The following RABL6 variants were observed in gnomAD, a reference collection of about 807,000 sequenced individuals.
RABL6 encodes rab-like protein 6.
Under a neutral mutation model 72.9 loss-of-function variants are expected in RABL6, and 28 were observed. The ratio of observed to expected loss-of-function variants is 0.38; its 90% confidence interval spans 0.28 to 0.53. The LOEUF (loss-of-function observed/expected upper bound fraction) is 0.53. Ranked by LOEUF, RABL6 falls within the 20% of genes least tolerant of loss-of-function variation. The pLI is 0.80. For missense variants in RABL6, 1,029 were observed against 1,008.4 expected (o/e 1.02, Z -0.28); for synonymous variants, 477 against 421.2 (o/e 1.13, Z -1.62).
At chr9:136,823,272 A>C (rs1405443342) in intron 1 of RABL6, among the ~76,000 whole-genome samples, 1 of 147,884 alleles carries the variant, frequency 6.8e-6, no homozygotes, top group Non-Finnish European at 1.5e-5. Context: ...CCTGGCTCCA[A>C]GTAGAAAGCT....
At chr9:136,816,735 G>GT (rs763603360) in intron 1 of RABL6, among the ~76,000 whole-genome samples, 160 of 132,698 alleles carry the variant, frequency 1.2e-3, no homozygotes, top group East Asian at 5.9e-3. Flanking sequence ...GGGGGGGGGG[G>GT]TAATTTTTTA....
chr9:136,827,881 TAAAGGG>T (rs1311314895), intron 3 of RABL6: 1 of 152,614 alleles, frequency 6.6e-6, no homozygotes, highest in Non-Finnish European at 1.5e-5. Flanking sequence ...ATTGTGGAGT[TAAAGGG>T]AGGGGACCAC....
At chr9:136,839,990 C>T in intron 13 of RABL6, 125 bp downstream of exon 13, 2 of 1,461,656 alleles carry the variant, frequency 1.4e-6, no homozygotes, top group Non-Finnish European at 1.9e-6. Flanking sequence ...ATGCTCCTGG[C>T]AGCCCCCTGC....
chr9:136,834,037 A>G, intron 7 of RABL6: 1 of 1,464,804 alleles, frequency 6.8e-7, no homozygotes, highest in Non-Finnish European at 9.1e-7. Flanking sequence ...CTGGAAGCGT[A>G]GGGCTGAGCT....
Position 136,808,309 on chromosome 9 carries a change from AG to A in RABL6, c.118del (p.Val40CysfsTer5). ...MNQALQRRFA[K>X]GVQYNMKIVI... ...CAGGCGTTGCAGAGGCGCTTCGCCAAGGGGGTGCAGTACAACAGTGAGTGCG... is the reference window on the plus strand; with the variant it reads ...CAGGCGTTGCAGAGGCGCTTCGCCAAGGGGTGCAGTACAACAGTGAGTGCG... On this transcript the variant is annotated frameshift_variant, in exon 1 of 15. Transcript: ENST00000311502. LOFTEE classifies it high-confidence loss of function. 1 of 1,557,240 alleles carries A rather than the reference AG, an allele frequency of 6.4e-7. No individual in the cohort carries two copies. The highest frequency in any genetic ancestry group is 1.9e-5 in the Admixed American group (1 of 53,734).
intron 1 of RABL6, chr9:136,822,045 C>G: frequency 2.3e-6 from 3 of 1,289,598 alleles, no homozygotes; most frequent in Non-Finnish European, 3.0e-6. Context: ...GAAGAAATGA[C>G]TGTGGGAACA....
At chr9:136,838,266 C>T (rs1848621366) in intron 10 of RABL6, among the ~76,000 whole-genome samples, 1 of 152,198 alleles carries the variant, frequency 6.6e-6, no homozygotes, top group Admixed American at 6.5e-5. Flanking sequence ...TTGGGGTCTT[C>T]TGTGGGCAGA....
At chr9:136,823,194 T>C (rs1396511921) in intron 1 of RABL6, among the ~76,000 whole-genome samples, 3 of 151,820 alleles carry the variant, frequency 2.0e-5, no homozygotes, top group African/African-American at 7.3e-5. Flanking sequence ...GCCCTGACCC[T>C]GAGGGTCACC....
chr9:136,811,458 A>G (rs1848010225), intron 1 of RABL6, among the ~76,000 whole-genome samples: 1 of 151,974 alleles, frequency 6.6e-6, no homozygotes, highest in South Asian at 2.1e-4. Context: ...TCTCTACTAA[A>G]ACTATAAAAA....
rs771693782 is a variant in RABL6 at position 136,829,395 on chromosome 9, G to A, written c.369G>A (p.Ala123=). 16 of 1,569,016 alleles carry A rather than the reference G, an allele frequency of 1.0e-5. No homozygotes were observed. Among genetic ancestry groups the A allele is most frequent in the East Asian group, 2.4e-5 (1 of 42,366 alleles). ...CACCTGTTCCCTCCTGTCCCCAGGC[G>A]GAGTCTGAAATGGCCCTGGATGCTG... ...GLKMENDPQE[A]ESEMALDAEF... The change falls in exon 5 of 15, where the codon GCG becomes GCA. Residue 123 remains alanine, a splice_region_variant and synonymous_variant. Coordinates refer to ENST00000311502, the MANE Select transcript of RABL6 (RefSeq NM_024718.5).
rs145731479 is a variant in RABL6, at chr9:136,820,847, A to G, written c.131-2678A>G. On this transcript the variant is annotated intron_variant, in intron 1 of 14. Coordinates refer to ENST00000311502, the MANE Select transcript of RABL6 (RefSeq NM_024718.5). ...CGAAAAGAGAAAAATATCAATGGAA[A>G]TTCAAGGAAAAGTGCGGCCAAGACG... Among the ~76,000 whole-genome samples the G allele has an allele frequency of 5.7e-3, 875 of 152,290 alleles. 4 individuals are homozygous for G. Among genetic ancestry groups the G allele is most frequent in the Non-Finnish European group, 9.7e-3 (658 of 68,018 alleles).
rs71385775 is a variant in RABL6, at chr9:136,834,929, TAAAAAA to T, written c.706-796_706-791del. Among the ~76,000 whole-genome samples, 653 of 74,404 alleles carry T rather than the reference TAAAAAA, an allele frequency of 8.8e-3. 3 individuals carry two copies. The highest frequency in any genetic ancestry group is 0.032 in the African/African-American group (598 of 18,984). 48.8% of individuals were successfully genotyped at this position (74,404 alleles called of 152,430 possible). A position where few individuals can be genotyped will look rare whatever the true frequency, so the allele number is the denominator to read the frequency against. On this transcript the variant is annotated intron_variant, in intron 7 of 14. Coordinates refer to ENST00000311502, the MANE Select transcript of RABL6 (RefSeq NM_024718.5). ...AATATAATATAGCATGACCCTGTTC[TAAAAAA>T]AAAAAAAAAAAAAAAATCTCTGAAA...
rs571096327 is a variant in RABL6, at chr9:136,829,379, C to A, written c.367-14C>A. On this transcript the variant is annotated splice_polypyrimidine_tract_variant and intron_variant, in intron 4 of 14. Coordinates refer to ENST00000311502, the MANE Select transcript of RABL6 (RefSeq NM_024718.5). The stretch of plus-strand genomic sequence containing the variant: ...GCCTGGGCCAGTCTCACACCTGTTC[C>A]CTCCTGTCCCCAGGCGGAGTCTGAA... 27 of 1,557,536 alleles carry A rather than the reference C, an allele frequency of 1.7e-5. 1 individual carries two copies. In the Admixed American group the frequency reaches 5.2e-4, roughly 30 times the overall value.
intron 1 of RABL6, chr9:136,809,361 G>C (rs1564355760): frequency 5.0e-6 from 1 of 201,320 alleles, no homozygotes; most frequent in African/African-American, 2.4e-5. Context: ...GCCTTCCTTA[G>C]TCCCCCGGCC....
chr9:136,820,580 AG>A (rs1848216435), intron 1 of RABL6, among the ~76,000 whole-genome samples: 1 of 152,300 alleles, frequency 6.6e-6, no homozygotes, highest in South Asian at 2.1e-4. Flanking sequence ...CATGTTGTCC[AG>A]GCTGGTCTCG....
intron 1 of RABL6, chr9:136,821,529 G>T: frequency 1.0e-6 from 1 of 985,380 alleles, no homozygotes; most frequent in South Asian, 4.7e-5. Flanking sequence ...GGCCCGGGCA[G>T]TCTCTGCGAG....
intron 7 of RABL6, chr9:136,834,239 C>T (rs1027939517): frequency 8.5e-7 from 1 of 1,171,614 alleles, no homozygotes; most frequent in Non-Finnish European, 1.1e-6. Flanking sequence ...TTTAACCTGA[C>T]CGTAGTACCT....
At chr9:136,831,912 G>C (rs939284482) in intron 6 of RABL6, 51 bp downstream of exon 6, 5 of 1,557,870 alleles carry the variant, frequency 3.2e-6, no homozygotes, top group Non-Finnish European at 4.3e-6. Flanking sequence ...GCTCCGGTGT[G>C]CGGGGGAGGG....
intron 4 of RABL6, 118 bp from the exon 5 acceptor site, chr9:136,829,275 A>C (rs1848421453): frequency 1.3e-6 from 1 of 797,478 alleles, no homozygotes. Flanking sequence ...TCGTTTCCAA[A>C]TGGAAATGGC....
Sources: allele counts gnomAD v4.1 joint callset (sites outside exome capture counted in the v4.1 genomes callset), GRCh38; gene constraint gnomAD v4.1.1; transcripts MANE v1.5; gene names NCBI Gene and HGNC (gene_info 2026-07-23, HGNC 2026-07-21).